Variants in ANO1 observed in about 807,000 individuals in gnomAD.
ANO1 encodes the protein anoctamin-1.
Under a neutral mutation model 124.0 loss-of-function variants are expected in ANO1, and 59 were observed. That is an observed-to-expected ratio of 0.48 (90% CI 0.39 to 0.59). ANO1 has a LOEUF of 0.59. Among genes scored for constraint, ANO1 ranks in the 20% least tolerant of loss-of-function variants. The pLI is 0.00. For synonymous variants in ANO1, 529 were observed against 532.0 expected (o/e 0.99, Z 0.08); for missense variants, 1,059 against 1,328.0 (o/e 0.80, Z 3.15).
chr11:70,185,614 G>T lies in ANO1; in HGVS notation c.2613G>T (p.Pro871=). ...ICRYKDYREP[P]WSENKYDISK... is the part of the protein sequence containing the mutation. ...GGTATAAAGACTACCGAGAGCCGCC[G>T]TGGTCGGAAAACAAGTACGACATCT... Residue 871 remains proline (P), a synonymous_variant, in exon 25 of 26, where the codon CCG becomes CCT. Transcript: ENST00000355303. 1.2e-6 allele frequency: 2 copies of T among 1,613,970 alleles called. No individual in the cohort carries two copies. The highest frequency in any genetic ancestry group is 1.7e-6 in the Non-Finnish European group (2 of 1,179,870).
chr11:70,033,776 T>C (rs1857046556), intron 1 of ANO1, among the ~76,000 whole-genome samples: 1 of 152,174 alleles, frequency 6.6e-6, no homozygotes, highest in African/African-American at 2.4e-5. Flanking sequence ...CATTCCATAT[T>C]GTCTGTCTGC....
chr11:70,181,566 G>C lies in ANO1; in HGVS notation c.2404-936G>C, dbSNP rs114017652. On this transcript the variant is annotated intron_variant, in intron 23 of 25. Transcript: ENST00000355303. ...CTGGGAACAGAGGTACGTCCTGCCT[G>C]CAACAAGCGGCGCTGTGAGCAGCTG... 6.7e-3 allele frequency among the ~76,000 whole-genome samples: 1,026 copies of C among 152,330 alleles called. 9 individuals carry two copies. Among genetic ancestry groups the C allele is most frequent in the African/African-American group, 0.023 (967 of 41,590 alleles).
chr11:70,111,056 C>T (rs1424776350), intron 6 of ANO1: 2 of 441,484 alleles, frequency 4.5e-6, no homozygotes, highest in Admixed American at 4.8e-5. Context: ...GCCACTGACG[C>T]TTGCTGCCCC....
chr11:70,053,666 T>G (rs1196873110), intron 1 of ANO1, among the ~76,000 whole-genome samples: 2 of 152,212 alleles, frequency 1.3e-5, no homozygotes, highest in Admixed American at 1.3e-4. Flanking sequence ...TTATAAGAAA[T>G]ATTGTCTCAT....
At chr11:69,994,840 C>T (rs1554998117) in intron 1 of ANO1, among the ~76,000 whole-genome samples, 1 of 152,174 alleles carries the variant, frequency 6.6e-6, no homozygotes, top group Non-Finnish European at 1.5e-5. Context: ...AATCTCTTCC[C>T]CACCAGACAC....
chr11:70,123,252 G>A (rs1437835920), intron 8 of ANO1, among the ~76,000 whole-genome samples: 1 of 152,204 alleles, frequency 6.6e-6, no homozygotes, highest in South Asian at 2.1e-4. Context: ...TCGGGGGGCT[G>A]TGCAGCAGCA....
intron 1 of ANO1, among the ~76,000 whole-genome samples, chr11:70,007,957 T>G (rs1464272358): frequency 6.6e-6 from 1 of 152,170 alleles, no homozygotes; most frequent in Non-Finnish European, 1.5e-5. Context: ...GCCATCCCAG[T>G]GGGTGTGAGG....
At chr11:69,996,849 C>G (rs150536409) in intron 1 of ANO1, among the ~76,000 whole-genome samples, 291 of 152,354 alleles carry the variant, frequency 1.9e-3, no homozygotes, top group African/African-American at 6.7e-3. Flanking sequence ...TAAGTGTTTC[C>G]TCCTGCCTGT....
intron 1 of ANO1, among the ~76,000 whole-genome samples, chr11:70,040,283 T>C (rs1423863850): frequency 6.6e-6 from 1 of 152,098 alleles, no homozygotes; most frequent in Non-Finnish European, 1.5e-5. Flanking sequence ...TTTTGTGTCT[T>C]ACTAAGGTTT....
intron 22 of ANO1, among the ~76,000 whole-genome samples, chr11:70,173,601 G>A (rs902430596): frequency 1.3e-5 from 2 of 152,212 alleles, no homozygotes; most frequent in East Asian, 3.9e-4. Context: ...ATTTGCTGGT[G>A]CTCTAGGTCA....
chr11:70,006,923 G>GAT (rs1856503228), intron 1 of ANO1, among the ~76,000 whole-genome samples: 1 of 151,982 alleles, frequency 6.6e-6, no homozygotes, highest in African/African-American at 2.4e-5. Context: ...GCCCGCCTCG[G>GAT]CCTCCCAAAG....
upstream of ANO1, among the ~76,000 whole-genome samples, chr11:70,076,830 G>A (rs2044064500): frequency 6.6e-6 from 1 of 152,232 alleles, no homozygotes; most frequent in African/African-American, 2.4e-5. Context: ...TGCCTAAATG[G>A]GAGAGTCTCA....
Position 70,161,285 on chromosome 11 carries a change from C to T in ANO1, c.1703C>T (p.Ala568Val), listed in dbSNP as rs776046934. ...ATCCGGGTCACAGTCACAGCCACCG[C>T]AGTCATCATCAACCTAGTGGTCATC... is the stretch of plus-strand genomic sequence containing the variant. ...SNIRVTVTATAVIINLVVIIL... is the reference protein window; with the variant it reads ...SNIRVTVTATVVIINLVVIIL... The change falls in exon 17 of 26, where the codon GCA (alanine) becomes GTA (valine). Residue 568 changes from alanine (A) to valine (V), a missense_variant. Ala to Val is a moderately conservative substitution (Grantham distance 64). Transcript: ENST00000355303. The T allele has an allele frequency of 5.4e-5, 87 of 1,613,932 alleles. No homozygotes were observed. The East Asian group carries it at 9.1e-4, about 17-fold the overall frequency.
chr11:70,018,604 C>A (rs1856743049), intron 1 of ANO1, among the ~76,000 whole-genome samples: 1 of 152,180 alleles, frequency 6.6e-6, no homozygotes, highest in African/African-American at 2.4e-5. Flanking sequence ...CTACACTGAG[C>A]AGAACCCCCT....
In ANO1 at chr11:70,187,399, T is replaced by C. The variant is rs117934570; in HGVS notation, c.2695-339T>C. On this transcript the variant is annotated intron_variant, in intron 25 of 25. Coordinates refer to ENST00000355303, the MANE Select transcript of ANO1 (RefSeq NM_018043.7). The stretch of plus-strand genomic sequence containing the variant: ...GATCCATTTGTGGCTATTTCCAGTT[T>C]CATGTTTTTCCCCAAAGGCTCGATG... Among the ~76,000 whole-genome samples the C allele has an allele frequency of 2.5e-3, 385 of 152,324 alleles. 4 individuals are homozygous for C. In the East Asian group the frequency reaches 0.027, roughly 11 times the overall value.
intron 2 of ANO1, among the ~76,000 whole-genome samples, chr11:70,098,633 G>C (rs985696249): frequency 6.6e-6 from 1 of 152,148 alleles, no homozygotes; most frequent in Non-Finnish European, 1.5e-5. Context: ...GGAAGCCAAG[G>C]GCAACCCGAA....
chr11:70,137,543 C>G (rs1458742043), intron 11 of ANO1, among the ~76,000 whole-genome samples: 1 of 145,200 alleles, frequency 6.9e-6, no homozygotes, highest in African/African-American at 2.4e-5. Flanking sequence ...GCTGTGACTC[C>G]CCAGCCTCCT....
chr11:69,999,668 A>T (rs1554998930), intron 1 of ANO1, among the ~76,000 whole-genome samples: 2 of 152,202 alleles, frequency 1.3e-5, no homozygotes, highest in Admixed American at 1.3e-4. Flanking sequence ...TCTTGGGCTC[A>T]TCTCTGAATC....
At chr11:69,979,393 C>T in the ANO1 span, among the ~76,000 whole-genome samples, 31 of 152,242 alleles carry the variant, frequency 2.0e-4, no homozygotes, top group East Asian at 4.0e-3. Context: ...CAGTTGGACC[C>T]GGATTTTAAT....
Sources: allele counts gnomAD v4.1 joint callset (sites outside exome capture counted in the v4.1 genomes callset), GRCh38; gene constraint gnomAD v4.1.1; transcripts MANE v1.5; gene names NCBI Gene and HGNC (gene_info 2026-07-23, HGNC 2026-07-21).